Variants in CACNA2D1 observed in about 807,000 individuals in gnomAD.
CACNA2D1 encodes calcium voltage-gated channel auxiliary subunit alpha2delta 1.
Under a neutral mutation model 171.5 loss-of-function variants are expected in CACNA2D1, and 53 were observed. The ratio of observed to expected loss-of-function variants is 0.31; its 90% CI spans 0.25 to 0.39. CACNA2D1 has a LOEUF of 0.39. CACNA2D1 is among the 10% of genes least tolerant of loss of function. CACNA2D1 has a pLI of 1.00. For missense variants in CACNA2D1, 903 were observed against 1,299.8 expected (o/e 0.69, Z 4.69); for synonymous variants, 442 against 443.1 (o/e 1.00, Z 0.03).
chr7:82,421,974 G>C (rs1159031634), intron 1 of CACNA2D1, among the ~76,000 whole-genome samples: 1 of 151,954 alleles, frequency 6.6e-6, no homozygotes, highest in Non-Finnish European at 1.5e-5. Flanking sequence ...TTATTCCATG[G>C]ATCCTTGAGA....
At chr7:82,051,238 T>C (rs1805165474) in intron 10 of CACNA2D1, 1 of 152,232 alleles carries the variant, frequency 6.6e-6, no homozygotes, top group African/African-American at 2.4e-5. Flanking sequence ...TGCAGGCTTT[T>C]ATAGCAGTTG....
chr7:82,133,999 G>A (rs1791316550), intron 5 of CACNA2D1, among the ~76,000 whole-genome samples: 1 of 152,022 alleles, frequency 6.6e-6, no homozygotes, highest in Admixed American at 6.6e-5. Flanking sequence ...CGTGAACCCA[G>A]GAGGTGGAGC....
intron 12 of CACNA2D1, among the ~76,000 whole-genome samples, chr7:82,027,395 T>C (rs940480285): frequency 6.6e-6 from 1 of 151,734 alleles, no homozygotes; most frequent in African/African-American, 2.4e-5. Context: ...GGGACAGCAA[T>C]GTTTCCAGAA....
intron 1 of CACNA2D1, among the ~76,000 whole-genome samples, chr7:82,351,369 G>A (rs1017987510): frequency 1.3e-5 from 2 of 151,710 alleles, no homozygotes; most frequent in Non-Finnish European, 2.9e-5. Context: ...ATGTAAGAGA[G>A]CATTTAAAAG....
chr7:82,263,398 A>G (rs181075413), intron 3 of CACNA2D1, among the ~76,000 whole-genome samples: 500 of 152,144 alleles, frequency 3.3e-3, no homozygotes, highest in Non-Finnish European at 5.7e-3. Flanking sequence ...GGAATGAGCC[A>G]CCACACCTGG....
intron 12 of CACNA2D1, among the ~76,000 whole-genome samples, chr7:82,015,776 A>G (rs2130962766): frequency 6.6e-6 from 1 of 152,320 alleles, no homozygotes. Flanking sequence ...ACTGTTGCAC[A>G]TGATTTCAGA....
At chr7:82,224,734 G>A (rs542699277) in intron 3 of CACNA2D1, among the ~76,000 whole-genome samples, 4 of 152,052 alleles carry the variant, frequency 2.6e-5, no homozygotes, top group African/African-American at 9.7e-5. Context: ...CTGTTTACTC[G>A]TCCCCAGGCC....
At chr7:82,234,498 T>A (rs79146425) in intron 3 of CACNA2D1, among the ~76,000 whole-genome samples, 4,209 of 152,236 alleles carry the variant, frequency 0.028, 156 homozygotes, top group African/African-American at 0.078. Flanking sequence ...TTTATGTTGA[T>A]TAAATAAGCA....
chr7:81,972,542 A>T (rs1036736437), intron 25 of CACNA2D1, among the ~76,000 whole-genome samples: 5 of 152,004 alleles, frequency 3.3e-5, no homozygotes, highest in African/African-American at 1.2e-4. Flanking sequence ...CCAATACCTA[A>T]GTAGATAATA....
At chr7:82,324,330 C>T (rs1370475462) in intron 3 of CACNA2D1, among the ~76,000 whole-genome samples, 2 of 149,542 alleles carry the variant, frequency 1.3e-5, no homozygotes, top group African/African-American at 4.9e-5. Context: ...TACACTCCAG[C>T]CTGGGCAACA....
In CACNA2D1 at chr7:81,955,980, ATTTTT is replaced by A. The variant is rs1164601123; in HGVS notation, c.3159+3290_3159+3294del. Among the ~76,000 whole-genome samples the A allele has an allele frequency of 3.7e-3, 127 of 34,534 alleles. 1 individual carries two copies. Among genetic ancestry groups the A allele is most frequent in the African/African-American group, 0.014 (117 of 8,600 alleles). The allele number at this position is 34,534 out of a possible 152,430, so 22.7% of individuals were successfully genotyped here. On this transcript the variant is annotated intron_variant, in intron 38 of 38. Transcript: ENST00000356860. ...TGTTGCTATATATATATATATATATATTTTTTTTTTTTTTTTTTTTTTTTGGAAAT... is the reference window on the plus strand; with the variant it reads ...TGTTGCTATATATATATATATATATATTTTTTTTTTTTTTTTTTTGGAAAT...
intron 7 of CACNA2D1, among the ~76,000 whole-genome samples, chr7:82,069,132 T>C (rs1808014865): frequency 6.6e-6 from 1 of 152,190 alleles, no homozygotes; most frequent in Non-Finnish European, 1.5e-5. Flanking sequence ...AATTCCCTTG[T>C]TGTAAAATCC....
chr7:82,052,248 C>A (rs552749801), intron 10 of CACNA2D1, among the ~76,000 whole-genome samples: 1 of 152,130 alleles, frequency 6.6e-6, no homozygotes, highest in Admixed American at 6.5e-5. Flanking sequence ...CCACTCCCTC[C>A]TTCCTCAGTG....
chr7:82,001,588 C>T, intron 18 of CACNA2D1: 2 of 473,540 alleles, frequency 4.2e-6, no homozygotes, highest in South Asian at 3.5e-5. Flanking sequence ...GCTTTAAGAA[C>T]AGAAGCTTAA....
chr7:82,186,113 G>A (rs1284818195), intron 3 of CACNA2D1, among the ~76,000 whole-genome samples: 9 of 148,356 alleles, frequency 6.1e-5, no homozygotes, highest in Admixed American at 2.7e-4. Flanking sequence ...ACAAGTTCGC[G>A]CCATTGCACT....
chr7:82,019,475 A>G (rs1800924062), intron 12 of CACNA2D1, among the ~76,000 whole-genome samples: 1 of 152,194 alleles, frequency 6.6e-6, no homozygotes, highest in South Asian at 2.1e-4. Context: ...GCTCTGGCCT[A>G]CTTGATTTGA....
At chr7:82,007,220 A>T (rs912959279) in intron 16 of CACNA2D1, among the ~76,000 whole-genome samples, 3 of 152,276 alleles carry the variant, frequency 2.0e-5, no homozygotes, top group Non-Finnish European at 2.9e-5. Context: ...TTTAAATCAG[A>T]TCCTTAAGTT....
intron 7 of CACNA2D1, among the ~76,000 whole-genome samples, chr7:82,082,858 C>CCCT (rs1809970113): frequency 6.6e-6 from 1 of 151,876 alleles, no homozygotes; most frequent in Non-Finnish European, 1.5e-5. Context: ...AAGCCATCAT[C>CCCT]CCTCAATTAG....
intron 7 of CACNA2D1, among the ~76,000 whole-genome samples, chr7:82,075,793 C>G (rs1263556995): frequency 6.6e-6 from 1 of 152,026 alleles, no homozygotes; most frequent in Non-Finnish European, 1.5e-5. Flanking sequence ...ATCAAGTATA[C>G]TGAACATAAA....
Sources: allele counts gnomAD v4.1 joint callset (sites outside exome capture counted in the v4.1 genomes callset), GRCh38; gene constraint gnomAD v4.1.1; transcripts MANE v1.5; gene names NCBI Gene and HGNC (gene_info 2026-07-23, HGNC 2026-07-21).